The following PPP6R3 variants were observed in gnomAD, a reference collection of about 807,000 sequenced individuals.
PPP6R3 encodes protein phosphatase 6 regulatory subunit 3, also known as serine/threonine-protein phosphatase 6 regulatory subunit 3.
Under a neutral mutation model 110.7 loss-of-function variants are expected in PPP6R3, and 38 were observed. The ratio of observed to expected loss-of-function variants is 0.34; its 90% CI spans 0.26 to 0.45. The LOEUF (loss-of-function observed/expected upper bound fraction) is 0.45. Ranked by LOEUF, PPP6R3 falls within the 20% of genes least tolerant of loss-of-function variation. The pLI is 1.00. For synonymous variants in PPP6R3, 369 were observed against 373.5 expected (o/e 0.99, Z 0.14); for missense variants, 870 against 1,062.4 (o/e 0.82, Z 2.52).
At chr11:68,505,693 A>G (rs1439212247) in intron 1 of PPP6R3, among the ~76,000 whole-genome samples, 1 of 152,172 alleles carries the variant, frequency 6.6e-6, no homozygotes. Context: ...CTCCCAGGGG[A>G]GTGGGGTGGA....
At chr11:68,547,694 A>G (rs1466211384) in intron 4 of PPP6R3, among the ~76,000 whole-genome samples, 1 of 152,230 alleles carries the variant, frequency 6.6e-6, no homozygotes, top group Non-Finnish European at 1.5e-5. Flanking sequence ...TTTTAGTGCA[A>G]AATCTAACAG....
rs374824331 is a variant in PPP6R3, at chr11:68,600,643, G to C, written c.2192+149G>C. The C allele has an allele frequency of 1.2e-5, 10 of 851,386 alleles. No individual in the cohort carries two copies. In the Middle Eastern group the frequency reaches 1.8e-3, roughly 151 times the overall value. 52.7% of individuals were successfully genotyped at this position (851,386 alleles called of 1,614,324 possible). On this transcript the variant is annotated intron_variant, in intron 20 of 23. Transcript: ENST00000393800. ...GATTAAACATCAGCATACTAACACA[G>C]CTCTGTGTTGTAAGAAGAACAATCA...
intron 1 of PPP6R3, among the ~76,000 whole-genome samples, chr11:68,495,254 A>G (rs1464072520): frequency 1.3e-5 from 2 of 152,238 alleles, no homozygotes; most frequent in Admixed American, 1.3e-4. Context: ...ACATTTGGTA[A>G]AGCAAAGTAC....
At chr11:68,462,052 GAAT>G (rs1279788914) in intron 1 of PPP6R3, among the ~76,000 whole-genome samples, 1 of 152,112 alleles carries the variant, frequency 6.6e-6, no homozygotes, top group East Asian at 1.9e-4. Flanking sequence ...TGTAGTATGG[GAAT>G]AATAATAAGT....
chr11:68,552,813 A>T (rs58242947), intron 6 of PPP6R3, among the ~76,000 whole-genome samples: 1 of 152,248 alleles, frequency 6.6e-6, no homozygotes. Context: ...AGGATTGCTC[A>T]GTAGGGGCTG....
chr11:68,510,570 A>G (rs189546358), intron 1 of PPP6R3, among the ~76,000 whole-genome samples: 1 of 152,222 alleles, frequency 6.6e-6, no homozygotes, highest in African/African-American at 2.4e-5. Flanking sequence ...TCCTGGGCTC[A>G]GGTGATCCTC....
intron 2 of PPP6R3, among the ~76,000 whole-genome samples, chr11:68,532,681 A>G (rs963825390): frequency 6.6e-6 from 1 of 152,168 alleles, no homozygotes; most frequent in Non-Finnish European, 1.5e-5. Flanking sequence ...GATATGAATG[A>G]TTAGTTTGGG....
intron 9 of PPP6R3, among the ~76,000 whole-genome samples, chr11:68,566,649 C>T (rs2099472599): frequency 6.6e-6 from 1 of 152,198 alleles, no homozygotes; most frequent in African/African-American, 2.4e-5. Flanking sequence ...GCATGAGCTA[C>T]TGTGCCCGGC....
At position 68,613,961 on chromosome 11, in the gene PPP6R3, C is replaced by CT; in HGVS notation, c.*845dup. 1.0e-6 allele frequency: 1 copy of CT among 962,060 alleles called. No homozygotes were observed. Among genetic ancestry groups the CT allele is most frequent in the Non-Finnish European group, 1.2e-6 (1 of 821,808 alleles). 59.6% of individuals were successfully genotyped at this position (962,060 alleles called of 1,614,324 possible). ...TTTTTTGTTTCATTTGGTAGTTCAT[C>CT]TGCCTTTTAACCCATTCACCAAAAT... On this transcript the variant is annotated 3_prime_UTR_variant, in exon 24 of 24. Transcript: ENST00000393800.
chr11:68,605,591 T>C (rs1939197814), intron 22 of PPP6R3, among the ~76,000 whole-genome samples: 1 of 152,226 alleles, frequency 6.6e-6, no homozygotes, highest in African/African-American at 2.4e-5. Flanking sequence ...TAAGGCATTT[T>C]TTTAACCATA....
In PPP6R3 at chr11:68,613,898, ATTTTTTT is replaced by A. The variant is rs11309470; in HGVS notation, c.*793_*799del. 2.2e-6 allele frequency: 2 copies of A among 918,486 alleles called. No individual in the cohort carries two copies. Among genetic ancestry groups the A allele is most frequent in the Non-Finnish European group, 2.5e-6 (2 of 784,856 alleles). 56.9% of individuals were successfully genotyped at this position (918,486 alleles called of 1,614,324 possible). On this transcript the variant is annotated 3_prime_UTR_variant, in exon 24 of 24. Transcript: ENST00000393800. ...GAGTGTATATGGCTTGTGTTTTGGGATTTTTTTTTTTTTTTTTTGGCTTTTGTTTTTG... is the reference window on the plus strand; with the variant it reads ...GAGTGTATATGGCTTGTGTTTTGGGATTTTTTTTTTTGGCTTTTGTTTTTG...
chr11:68,477,741 A>AAAAAAAAAAAATATATATATATAT, intron 1 of PPP6R3, among the ~76,000 whole-genome samples: 1 of 57,894 alleles, frequency 1.7e-5, no homozygotes, highest in African/African-American at 7.1e-5. Context: ...AAAAAAAAAA[A>AAAAAAAAAAAATATATATATATAT]ATATATATAT....
intron 4 of PPP6R3, 111 bp downstream of exon 4, chr11:68,545,135 T>C: frequency 1.4e-6 from 1 of 734,322 alleles, no homozygotes; most frequent in Non-Finnish European, 2.1e-6. Context: ...TCAGGTTGTA[T>C]AAGAGAATGT....
chr11:68,488,278 A>G (rs1591873889), intron 1 of PPP6R3, among the ~76,000 whole-genome samples: 1 of 152,158 alleles, frequency 6.6e-6, no homozygotes, highest in East Asian at 1.9e-4. Flanking sequence ...GCTGCAGTGC[A>G]GTGGCACAGT....
At chr11:68,555,786 G>A (rs917411203) in intron 7 of PPP6R3, among the ~76,000 whole-genome samples, 1 of 152,200 alleles carries the variant, frequency 6.6e-6, no homozygotes, top group Non-Finnish European at 1.5e-5. Flanking sequence ...GAGTAAATGT[G>A]TTCAAATACA....
chr11:68,577,336 C>G (rs1296423398), intron 14 of PPP6R3, among the ~76,000 whole-genome samples: 2 of 152,192 alleles, frequency 1.3e-5, no homozygotes, highest in Non-Finnish European at 2.9e-5. Flanking sequence ...CTCTCCCATA[C>G]TGTTAAATCA....
At chr11:68,560,891 T>C (rs1448496311) in intron 8 of PPP6R3, among the ~76,000 whole-genome samples, 1 of 119,136 alleles carries the variant, frequency 8.4e-6, no homozygotes, top group South Asian at 3.0e-4. Flanking sequence ...GGTTTCCTTA[T>C]ACCTTTTTTT....
chr11:68,554,147 A>C lies in PPP6R3; in HGVS notation c.621A>C (p.Arg207=). Residue 207 remains arginine, a splice_region_variant and synonymous_variant, in exon 7 of 24, where the codon CGA becomes CGC. Coordinates refer to ENST00000393800, the MANE Select transcript of PPP6R3 (RefSeq NM_001164161.2). The part of the protein sequence containing the change: ...EIVHPSQEED[R]HSNASQSLCE... ...AAAATTGTACTTTTTTCCTTTAGCG[A>C]CATTCAAATGCATCACAATCACTTT... 6.2e-7 allele frequency: 1 copy of C among 1,601,910 alleles called. No homozygotes were observed. Among genetic ancestry groups the C allele is most frequent in the Non-Finnish European group, 8.5e-7 (1 of 1,175,364 alleles).
At position 68,527,982 on chromosome 11, in the gene PPP6R3, A is replaced by G. The variant is rs117831558; in HGVS notation, c.-7+8331A>G. Among the ~76,000 whole-genome samples the G allele has an allele frequency of 2.0e-4, 31 of 152,344 alleles. No individual in the cohort carries two copies. The East Asian group carries it at 5.8e-3, about 28-fold the overall frequency. ...TTTTGAGGCTCAACTTAGGCTTGAT[A>G]TATAATGAGGCATTTTTGGCCAGGT... is the stretch of plus-strand genomic sequence containing the variant. On this transcript the variant is annotated intron_variant, in intron 2 of 23. Transcript: ENST00000393800.
Sources: allele counts gnomAD v4.1 joint callset (sites outside exome capture counted in the v4.1 genomes callset), GRCh38; gene constraint gnomAD v4.1.1; transcripts MANE v1.5; gene names NCBI Gene and HGNC (gene_info 2026-07-23, HGNC 2026-07-21).